Variants in STARD3NL observed in about 807,000 individuals in gnomAD.
STARD3NL encodes STARD3 N-terminal like.
In STARD3NL, 17 loss-of-function variants were observed where a neutral mutation model predicts 30.9. That is an observed-to-expected ratio of 0.55 (90% CI 0.38 to 0.82). STARD3NL has a LOEUF of 0.82. Ranked by LOEUF, STARD3NL falls within the 40% of genes least tolerant of loss-of-function variation. STARD3NL has a pLI of 0.00. For missense variants in STARD3NL, 234 were observed against 277.6 expected, an observed-to-expected ratio of 0.84 and a Z score of 1.12; for synonymous variants, 112 against 100.5, an observed-to-expected ratio of 1.11 and a Z score of -0.69.
At chr7:38,192,864 C>T (rs1784744260) in intron 1 of STARD3NL, among the ~76,000 whole-genome samples, 1 of 135,618 alleles carries the variant, frequency 7.4e-6, no homozygotes, top group African/African-American at 2.6e-5. Context: ...ATCGGGCGCA[C>T]ACTCCTCTCC....
At chr7:38,206,057 CTT>C (rs1164101235) in intron 1 of STARD3NL, among the ~76,000 whole-genome samples, 5 of 152,148 alleles carry the variant, frequency 3.3e-5, no homozygotes, top group African/African-American at 1.2e-4. Context: ...ATGAGAAAGA[CTT>C]TTGTTCCTGA....
chr7:38,216,285 G>A (rs1315890485), intron 4 of STARD3NL: 1 of 152,168 alleles, frequency 6.6e-6, no homozygotes, highest in African/African-American at 2.4e-5. Context: ...GTCTAATTTA[G>A]CAAATCATTT....
At chr7:38,193,288 G>T (rs966621555) in intron 1 of STARD3NL, among the ~76,000 whole-genome samples, 7 of 151,330 alleles carry the variant, frequency 4.6e-5, no homozygotes, top group African/African-American at 1.7e-4. Context: ...GTTTTTTGTT[G>T]TTGTTGTTGT....
chr7:38,189,323 C>T (rs552700562), intron 1 of STARD3NL, among the ~76,000 whole-genome samples: 8 of 152,186 alleles, frequency 5.3e-5, no homozygotes, highest in African/African-American at 9.6e-5. Flanking sequence ...GTTGGGCTGT[C>T]GAAATTCATA....
At chr7:38,227,229 C>T (rs557261894) in intron 7 of STARD3NL, among the ~76,000 whole-genome samples, 109 of 152,286 alleles carry the variant, frequency 7.2e-4, no homozygotes, top group Middle Eastern at 3.4e-3. Context: ...ACTGTGGTTT[C>T]AGTGCCACTG....
At chr7:38,220,483 C>A (rs1786388808) in intron 7 of STARD3NL, among the ~76,000 whole-genome samples, 2 of 152,136 alleles carry the variant, frequency 1.3e-5, no homozygotes, top group South Asian at 4.1e-4. Context: ...AACAAAAAGA[C>A]AGAAAATAAG....
rs1786892263 is a variant in STARD3NL, at chr7:38,228,188, T to C, written c.650-611T>C. Among the ~76,000 whole-genome samples the C allele has an allele frequency of 2.6e-5, 4 of 152,372 alleles. No homozygotes were observed. The East Asian group carries it at 7.7e-4, about 29-fold the overall frequency. On this transcript the variant is annotated intron_variant, in intron 7 of 8. Coordinates refer to ENST00000009041, the MANE Select transcript of STARD3NL (RefSeq NM_032016.4). ...TACAGTATTAACCTTTCTTCTATTC[T>C]CAGACACTTAGCTTTCTTTTCTAAT...
chr7:38,201,147 T>C (rs989430192), intron 1 of STARD3NL, among the ~76,000 whole-genome samples: 1 of 152,204 alleles, frequency 6.6e-6, no homozygotes, highest in Non-Finnish European at 1.5e-5. Flanking sequence ...TCACTCTCCT[T>C]TTTACAACTT....
intron 1 of STARD3NL, among the ~76,000 whole-genome samples, chr7:38,202,850 T>C (rs1048046994): frequency 6.6e-6 from 1 of 151,686 alleles, no homozygotes; most frequent in Non-Finnish European, 1.5e-5. Context: ...TGTGATAGTT[T>C]GCTGAGAATG....
intron 1 of STARD3NL, among the ~76,000 whole-genome samples, chr7:38,187,035 A>G (rs1165246281): frequency 6.6e-6 from 1 of 152,078 alleles, no homozygotes; most frequent in Non-Finnish European, 1.5e-5. Flanking sequence ...TAAAAAAAAA[A>G]AAGAGAAACA....
intron 1 of STARD3NL, among the ~76,000 whole-genome samples, chr7:38,197,259 T>C (rs1395849384): frequency 6.6e-6 from 1 of 150,402 alleles, no homozygotes; most frequent in South Asian, 2.1e-4. Context: ...AGGGCCTTGC[T>C]CTGTCTCCCA....
intron 2 of STARD3NL, among the ~76,000 whole-genome samples, chr7:38,212,313 C>T (rs1052210560): frequency 6.6e-6 from 1 of 152,150 alleles, no homozygotes; most frequent in African/African-American, 2.4e-5. Context: ...GAATAAGCTC[C>T]TTTCTATCTT....
intron 1 of STARD3NL, among the ~76,000 whole-genome samples, chr7:38,205,159 CA>C (rs989645837): frequency 2.0e-5 from 3 of 152,170 alleles, no homozygotes; most frequent in African/African-American, 7.2e-5. Context: ...ATCCTGATAC[CA>C]AAGCCTGGCA....
intron 7 of STARD3NL, among the ~76,000 whole-genome samples, chr7:38,227,985 T>G (rs79771658): frequency 0.058 from 8,786 of 152,302 alleles, 355 homozygotes; most frequent in Non-Finnish European, 0.088. Flanking sequence ...GGTTATTTTC[T>G]TCTACTCTTT....
intron 6 of STARD3NL, among the ~76,000 whole-genome samples, chr7:38,218,408 A>G (rs1488739048): frequency 2.6e-5 from 4 of 152,222 alleles, no homozygotes; most frequent in South Asian, 2.1e-4. Context: ...TGTACCTTCT[A>G]TCCTGTGCCG....
At chr7:38,202,970 T>C (rs1257951513) in intron 1 of STARD3NL, among the ~76,000 whole-genome samples, 2 of 152,044 alleles carry the variant, frequency 1.3e-5, no homozygotes, top group Non-Finnish European at 2.9e-5. Flanking sequence ...ATCCAGTCTA[T>C]CATTGTTGAA....
intron 2 of STARD3NL, among the ~76,000 whole-genome samples, chr7:38,209,575 C>T (rs1785681244): frequency 6.6e-6 from 1 of 152,244 alleles, no homozygotes; most frequent in South Asian, 2.1e-4. Flanking sequence ...TGAGCCATCG[C>T]GCCTGGCCGG....
chr7:38,188,035 C>T (rs150484008), intron 1 of STARD3NL, among the ~76,000 whole-genome samples: 85 of 152,340 alleles, frequency 5.6e-4, no homozygotes, highest in African/African-American at 1.9e-3. Context: ...CGTCATCTCT[C>T]TCCTGAATTA....
chr7:38,206,560 C>A lies in STARD3NL; in HGVS notation c.-58-887C>A, dbSNP rs574729218. ...GTGCCCTCTGGTCTTGAGGGGCCTG[C>A]ATCTCTGTATAGGACTATATCTTCT... On this transcript the variant is annotated intron_variant, in intron 1 of 8. Transcript: ENST00000009041. 3.7e-4 allele frequency among the ~76,000 whole-genome samples: 57 copies of A among 152,250 alleles called. No homozygotes were observed. In the East Asian group the frequency reaches 8.5e-3, roughly 23 times the overall value.
Sources: gnomAD v4.1 joint callset for allele counts (sites outside exome capture counted in the v4.1 genomes callset) on GRCh38, gnomAD v4.1.1 for gene constraint, MANE v1.5 for transcripts, NCBI Gene and HGNC (gene_info 2026-07-23, HGNC 2026-07-21) for gene names.